DLG2: variants seen among roughly 807,000 people sequenced by gnomAD.
The protein encoded by DLG2 is discs large MAGUK scaffold protein 2.
DLG2 carries 45 observed loss-of-function variants against 132.5 expected under a neutral mutation model. The observed-to-expected ratio is 0.34, with a 90% CI of 0.27 to 0.44. DLG2 has a LOEUF of 0.44. Among genes scored for constraint, DLG2 ranks in the 20% least tolerant of loss-of-function variants. The pLI is 1.00. For missense variants in DLG2, 1,045 were observed against 1,196.9 expected (o/e 0.87, Z 1.87); for synonymous variants, 424 against 419.6 (o/e 1.01, Z -0.13).
intron 6 of DLG2, among the ~76,000 whole-genome samples, chr11:85,095,134 C>T (rs182866097): frequency 6.6e-6 from 1 of 151,976 alleles, no homozygotes; most frequent in Non-Finnish European, 1.5e-5. Context: ...TATGACACCC[C>T]AAACCAACCA....
intron 19 of DLG2, among the ~76,000 whole-genome samples, chr11:83,603,080 G>T (rs1222091169): frequency 3.3e-5 from 5 of 152,148 alleles, no homozygotes; most frequent in African/African-American, 1.2e-4. Context: ...GTTCGTGTGT[G>T]TGTGAATGAA....
At chr11:84,368,765 A>G (rs1043749878) in intron 7 of DLG2, among the ~76,000 whole-genome samples, 2 of 152,142 alleles carry the variant, frequency 1.3e-5, no homozygotes, top group African/African-American at 4.8e-5. Flanking sequence ...AGTTTAGTAG[A>G]GTTCTGCTTT....
intron 8 of DLG2, among the ~76,000 whole-genome samples, chr11:84,205,873 T>C (rs1476641776): frequency 2.0e-5 from 3 of 151,882 alleles, no homozygotes; most frequent in Admixed American, 6.6e-5. Context: ...AAGCAAACAA[T>C]AGAAGATGTC....
At chr11:84,441,689 G>C (rs1279410033) in intron 7 of DLG2, among the ~76,000 whole-genome samples, 1 of 152,094 alleles carries the variant, frequency 6.6e-6, no homozygotes, top group Non-Finnish European at 1.5e-5. Flanking sequence ...AATGTATTGA[G>C]TATTACTACA....
At chr11:83,918,746 C>A (rs2077340263) in intron 15 of DLG2, among the ~76,000 whole-genome samples, 1 of 147,256 alleles carries the variant, frequency 6.8e-6, no homozygotes, top group Admixed American at 6.7e-5. Context: ...ATGGGTCCCA[C>A]ACGGCGCCTG....
rs60502429 is a variant in DLG2, at chr11:84,944,605, A to ATTTT, written c.357+167052_357+167055dup. 2.0e-4 allele frequency among the ~76,000 whole-genome samples: 27 copies of ATTTT among 133,880 alleles called. 1 individual carries two copies. The highest frequency in any genetic ancestry group is 9.4e-4 in the South Asian group (4 of 4,258). The allele number at this position is 133,880 out of a possible 152,430, so 87.8% of individuals were successfully genotyped here. A position where few individuals can be genotyped will look rare whatever the true frequency, so the allele number is the denominator to read the frequency against. On this transcript the variant is annotated intron_variant, in intron 6 of 27. Transcript: ENST00000376104. ...TTTTTAATTATTTCAGTCTCTGTTA[A>ATTTT]TTTTTTTTTTTTTTTTTGAGACAGA...
At chr11:85,466,006 C>G (rs372522135) in intron 3 of DLG2, among the ~76,000 whole-genome samples, 2 of 151,998 alleles carry the variant, frequency 1.3e-5, no homozygotes, top group Non-Finnish European at 1.5e-5. Context: ...TTCTAACTGG[C>G]GTGAGATGGT....
chr11:83,611,884 G>T (rs1279874451), intron 19 of DLG2, among the ~76,000 whole-genome samples: 12 of 152,140 alleles, frequency 7.9e-5, no homozygotes, highest in Admixed American at 7.9e-4. Flanking sequence ...CAGTTCTCCA[G>T]GAGCCAGTTT....
chr11:83,883,943 AT>A (rs2154077758), intron 15 of DLG2, among the ~76,000 whole-genome samples: 1 of 152,326 alleles, frequency 6.6e-6, no homozygotes, highest in South Asian at 2.1e-4. Context: ...TTAGTTAGAA[AT>A]TTTATAGAGC....
chr11:85,218,187 ATAGTT>A (rs2082744277), intron 4 of DLG2, among the ~76,000 whole-genome samples: 2 of 152,216 alleles, frequency 1.3e-5, no homozygotes, highest in Non-Finnish European at 2.9e-5. Flanking sequence ...AAAAACAAAA[ATAGTT>A]AAGTAGGACC....
At chr11:83,592,650 A>C (rs1290977988) in intron 19 of DLG2, among the ~76,000 whole-genome samples, 1 of 150,212 alleles carries the variant, frequency 6.7e-6, no homozygotes, top group Non-Finnish European at 1.5e-5. Context: ...AATGGGATCT[A>C]ATTAAACTAA....
At chr11:84,294,989 CA>C (rs2154378040) in intron 7 of DLG2, among the ~76,000 whole-genome samples, 1 of 152,260 alleles carries the variant, frequency 6.6e-6, no homozygotes, top group South Asian at 2.1e-4. Flanking sequence ...GTTTTTACTT[CA>C]TCATTAAACA....
At chr11:83,731,793 G>A (rs2091060537) in intron 18 of DLG2, among the ~76,000 whole-genome samples, 1 of 152,140 alleles carries the variant, frequency 6.6e-6, no homozygotes. Context: ...AGCCTCGCCA[G>A]CATCTATTGT....
chr11:84,048,922 C>T (rs556595806), intron 11 of DLG2, among the ~76,000 whole-genome samples: 33 of 151,624 alleles, frequency 2.2e-4, no homozygotes, highest in Non-Finnish European at 4.3e-4. Flanking sequence ...CAGACAGTCT[C>T]GGTACTAAGT....
intron 16 of DLG2, among the ~76,000 whole-genome samples, chr11:83,873,227 T>A (rs933133634): frequency 6.6e-6 from 1 of 152,162 alleles, no homozygotes; most frequent in Non-Finnish European, 1.5e-5. Flanking sequence ...TCTCTGAGAA[T>A]CAGTGTTCAG....
At chr11:85,587,372 G>T (rs1239238821) in intron 3 of DLG2, among the ~76,000 whole-genome samples, 1 of 151,928 alleles carries the variant, frequency 6.6e-6, no homozygotes, top group Non-Finnish European at 1.5e-5. Flanking sequence ...TTATAAATTT[G>T]GGAGCTCCAG....
At chr11:85,052,696 CT>C (rs1460973863) in intron 6 of DLG2, among the ~76,000 whole-genome samples, 1 of 152,078 alleles carries the variant, frequency 6.6e-6, no homozygotes, top group Non-Finnish European at 1.5e-5. Context: ...GTATCTTTAC[CT>C]TGTGTTGCTA....
chr11:83,798,954 T>C (rs78156019), intron 17 of DLG2, among the ~76,000 whole-genome samples: 1,532 of 152,326 alleles, frequency 0.01, 31 homozygotes, highest in African/African-American at 0.035. Context: ...ATGAAGGTGC[T>C]GGGCCACACC....
chr11:85,231,638 C>T (rs2075306547), intron 4 of DLG2, among the ~76,000 whole-genome samples: 1 of 151,846 alleles, frequency 6.6e-6, no homozygotes, highest in Admixed American at 6.6e-5. Flanking sequence ...TTGACATCAT[C>T]AGAGTGACGA....
Sources: gnomAD v4.1 joint callset for allele counts (sites outside exome capture counted in the v4.1 genomes callset) on GRCh38, gnomAD v4.1.1 for gene constraint, MANE v1.5 for transcripts, NCBI Gene and HGNC (gene_info 2026-07-23, HGNC 2026-07-21) for gene names.